MINAR1: variants seen among roughly 807,000 people sequenced by gnomAD.
MINAR1 encodes membrane integral NOTCH2 associated receptor 1.
A neutral mutation model predicts 65.1 loss-of-function variants in MINAR1; 40 were observed. That is an observed-to-expected ratio of 0.61 (90% CI 0.48 to 0.80). The LOEUF (loss-of-function observed/expected upper bound fraction) is 0.80, where lower values mean the gene tolerates loss of function less well. Ranked by LOEUF, MINAR1 falls within the 30% of genes least tolerant of loss-of-function variation. The pLI, the probability that MINAR1 is intolerant of heterozygous loss-of-function variation, is 0.00. For missense variants in MINAR1, 1,128 were observed against 1,148.0 expected (o/e 0.98, Z 0.25); for synonymous variants, 482 against 449.1 (o/e 1.07, Z -0.93).
At chr15:79,415,973 A>T in the MINAR1 span, 2 of 152,234 alleles carry the variant, frequency 1.3e-5, no homozygotes, top group Non-Finnish European at 2.9e-5. Context: ...CTTCTGCTCC[A>T]TACCTTCCAA....
chr15:79,460,112 G>A (rs778591615), intron 2 of MINAR1, among the ~76,000 whole-genome samples: 6 of 152,174 alleles, frequency 3.9e-5, no homozygotes, highest in Non-Finnish European at 8.8e-5. Context: ...AGATCCGCTC[G>A]ATAGGTCTAA....
rs1264855121 is a variant in MINAR1 at position 79,469,449 on chromosome 15, GTCT to G, written c.*1069_*1071del. The G allele has an allele frequency of 6.6e-6, 1 of 152,428 alleles. No individual in the cohort carries two copies. The highest frequency in any genetic ancestry group is 2.4e-5 in the African/African-American group (1 of 41,348). The allele number at this position is 152,428 out of a possible 1,614,324, so 9.4% of individuals were successfully genotyped here. A position where few individuals can be genotyped will look rare whatever the true frequency, so the allele number is the denominator to read the frequency against. ...ATATAATAATAATAAAGGCACTGAG[GTCT>G]TCTCAGTTACCCCAACACCTACTCC... is the stretch of plus-strand genomic sequence containing the variant. On this transcript the variant is annotated 3_prime_UTR_variant, in exon 4 of 4. Transcript: ENST00000305428.
chr15:79,460,386 C>G (rs1895602832), intron 2 of MINAR1, among the ~76,000 whole-genome samples: 1 of 152,196 alleles, frequency 6.6e-6, no homozygotes, highest in African/African-American at 2.4e-5. Context: ...TTCCCTCTCA[C>G]TATTTCCATT....
At chr15:79,433,735 G>A (rs1894518045) in intron 1 of MINAR1, among the ~76,000 whole-genome samples, 1 of 152,180 alleles carries the variant, frequency 6.6e-6, no homozygotes, top group South Asian at 2.1e-4. Context: ...GGAGAGGGAC[G>A]GTAAATGGCC....
At chr15:79,436,118 T>A (rs1894592201) in intron 1 of MINAR1, among the ~76,000 whole-genome samples, 1 of 152,254 alleles carries the variant, frequency 6.6e-6, no homozygotes, top group Non-Finnish European at 1.5e-5. Flanking sequence ...GAGGATGATG[T>A]GGAGCAGAGC....
chr15:79,414,424 T>C, the MINAR1 span: 1 of 152,194 alleles, frequency 6.6e-6, no homozygotes, highest in Non-Finnish European at 1.5e-5. Flanking sequence ...AACAAATGAA[T>C]GAGTAAACCA....
intron 1 of MINAR1, among the ~76,000 whole-genome samples, chr15:79,442,065 GT>G (rs145585936): frequency 3.9e-4 from 52 of 133,594 alleles, no homozygotes; most frequent in Non-Finnish European, 5.6e-4. Context: ...TTTTTTTACT[GT>G]TTTTTTTTTA....
intron 1 of MINAR1, among the ~76,000 whole-genome samples, chr15:79,435,013 G>T (rs564753568): frequency 6.6e-6 from 1 of 152,222 alleles, no homozygotes; most frequent in Non-Finnish European, 1.5e-5. Context: ...TGTGGCCCAT[G>T]CCTGTAATCC....
chr15:79,454,109 G>A (rs1034264130), intron 1 of MINAR1, among the ~76,000 whole-genome samples: 6 of 152,296 alleles, frequency 3.9e-5, no homozygotes, highest in African/African-American at 1.2e-4. Context: ...CAGAACATTT[G>A]GACACAGAAT....
chr15:79,431,512 T>G (rs867737668), upstream of MINAR1, among the ~76,000 whole-genome samples: 3,318 of 122,006 alleles, frequency 0.027, 62 homozygotes, highest in African/African-American at 0.056. Flanking sequence ...TGTGTGTGTG[T>G]GTGGGGGGGG....
chr15:79,432,039 G>C (rs920189104), upstream of MINAR1, among the ~76,000 whole-genome samples: 1 of 152,074 alleles, frequency 6.6e-6, no homozygotes, highest in African/African-American at 2.4e-5. Flanking sequence ...GGCGGGCGGC[G>C]GTGGAGAAGC....
rs1365315421 is a variant in MINAR1, at chr15:79,464,892, C to T, written c.2553+1571C>T. 3.8e-5 allele frequency among the ~76,000 whole-genome samples: 5 copies of T among 130,380 alleles called. No individual in the cohort carries two copies. The South Asian group carries it at 6.9e-4, about 18-fold the overall frequency. 85.5% of individuals were successfully genotyped at this position (130,380 alleles called of 152,430 possible). ...TGATTCTCCCTCCGGTGGAATATTT[C>T]ATGATTCTCCCTCCGGTGGAATATT... On this transcript the variant is annotated intron_variant, in intron 3 of 3. Transcript: ENST00000305428.
chr15:79,463,703 A>T (rs1440471297), intron 3 of MINAR1: 2 of 474,712 alleles, frequency 4.2e-6, no homozygotes, highest in Admixed American at 4.6e-5. Context: ...AGCACGTGGG[A>T]TAAGCATATT....
intron 2 of MINAR1, among the ~76,000 whole-genome samples, chr15:79,459,435 T>C (rs756994474): frequency 1.3e-5 from 2 of 152,342 alleles, no homozygotes; most frequent in South Asian, 2.1e-4. Context: ...CTATGGGACC[T>C]GTGGCCCATC....
intron 3 of MINAR1, among the ~76,000 whole-genome samples, chr15:79,465,769 C>G (rs757719079): frequency 6.6e-6 from 1 of 151,968 alleles, no homozygotes; most frequent in Admixed American, 6.5e-5. Context: ...GGGAGGGCTG[C>G]TGGTCTGACC....
chr15:79,449,511 A>ACAAAAGGG (rs1555428149), intron 1 of MINAR1, among the ~76,000 whole-genome samples: 3 of 151,890 alleles, frequency 2.0e-5, no homozygotes, highest in East Asian at 1.9e-4. Flanking sequence ...TCTTCACATA[A>ACAAAAGGG]CAAAAGGGCA....
At chr15:79,454,596 G>A (rs1895348116) in intron 1 of MINAR1, among the ~76,000 whole-genome samples, 1 of 152,140 alleles carries the variant, frequency 6.6e-6, no homozygotes, top group Admixed American at 6.5e-5. Context: ...TTTGTTAAAT[G>A]TTTGGTTTGG....
At chr15:79,440,316 C>T (rs1336205955) in intron 1 of MINAR1, among the ~76,000 whole-genome samples, 3 of 152,208 alleles carry the variant, frequency 2.0e-5, no homozygotes, top group Non-Finnish European at 4.4e-5. Flanking sequence ...TGGTAGCCTT[C>T]TCTCCATCAA....
In MINAR1 at chr15:79,468,738, A is replaced by G. The variant is rs905374311; in HGVS notation, c.*354A>G. 3.6e-6 allele frequency: 1 copy of G among 275,554 alleles called. No homozygotes were observed. Among genetic ancestry groups the G allele is most frequent in the African/African-American group, 2.2e-5 (1 of 45,502 alleles). The allele number at this position is 275,554 out of a possible 1,614,324, so 17.1% of individuals were successfully genotyped here. On this transcript the variant is annotated 3_prime_UTR_variant, in exon 4 of 4. Transcript: ENST00000305428. Reference sequence around the variant, plus strand: ...GATGTTTCATGGTGGGGAATAAGTTATACAGAAGATATTTAATACACGCCT... The same window carrying G: ...GATGTTTCATGGTGGGGAATAAGTTGTACAGAAGATATTTAATACACGCCT...
Sources: gnomAD v4.1 joint callset for allele counts (sites outside exome capture counted in the v4.1 genomes callset) on GRCh38, gnomAD v4.1.1 for gene constraint, MANE v1.5 for transcripts, NCBI Gene and HGNC (gene_info 2026-07-23, HGNC 2026-07-21) for gene names.